PCDHA2: variants seen among roughly 807,000 people sequenced by gnomAD.
The protein encoded by PCDHA2 is protocadherin alpha-2.
A neutral mutation model predicts 66.0 loss-of-function variants in PCDHA2; 58 were observed. The observed-to-expected ratio is 0.88, with a 90% CI of 0.71 to 1.09. PCDHA2 has a LOEUF of 1.09. Ranked by LOEUF, PCDHA2 falls within the 50% of genes least tolerant of loss-of-function variation. The pLI is 0.00. For synonymous variants in PCDHA2, 634 were observed against 554.0 expected, an observed-to-expected ratio of 1.14 and a Z score of -2.03; for missense variants, 1,267 against 1,242.3, an observed-to-expected ratio of 1.02 and a Z score of -0.30.
chr5:140,827,601 G>C (rs1237509481), intron 1 of PCDHA2, among the ~76,000 whole-genome samples: 1 of 152,162 alleles, frequency 6.6e-6, no homozygotes, highest in African/African-American at 2.4e-5. Flanking sequence ...ACAGATGTGG[G>C]CAAGTTTCTT....
chr5:140,979,076 C>T, intron 2 of PCDHA2, 69 bp downstream of exon 2: 1 of 1,584,068 alleles, frequency 6.3e-7, no homozygotes, highest in Non-Finnish European at 8.6e-7. Flanking sequence ...AACTGCATCT[C>T]CATAGGCCAG....
chr5:140,837,513 T>A (rs1414175460), intron 1 of PCDHA2, among the ~76,000 whole-genome samples: 2 of 96,810 alleles, frequency 2.1e-5, no homozygotes, highest in Admixed American at 9.8e-5. Flanking sequence ...CTGAAGCAGT[T>A]TACTTTTTTT....
chr5:140,812,066 G>A (rs1441798556), intron 1 of PCDHA2: 1 of 147,612 alleles, frequency 6.8e-6, no homozygotes, highest in African/African-American at 2.5e-5. Flanking sequence ...TTTTTTTTTG[G>A]AAGAGTTTGA....
chr5:140,806,437 C>T (rs1554123600), intron 1 of PCDHA2, among the ~76,000 whole-genome samples: 1 of 152,164 alleles, frequency 6.6e-6, no homozygotes. Context: ...AATGCTTTTC[C>T]ATGCAAGCTA....
chr5:140,807,211 C>T, intron 1 of PCDHA2: 1 of 1,613,892 alleles, frequency 6.2e-7, no homozygotes, highest in Non-Finnish European at 8.5e-7. Context: ...GGGGAAGCGG[C>T]CAGGAATCCC....
chr5:140,896,491 T>A (rs2065573741), intron 1 of PCDHA2, among the ~76,000 whole-genome samples: 1 of 152,042 alleles, frequency 6.6e-6, no homozygotes, highest in South Asian at 2.1e-4. Flanking sequence ...GCCTCCTGAG[T>A]AGCTGGGACT....
At chr5:140,887,538 A>AC (rs1554183096) in intron 1 of PCDHA2, among the ~76,000 whole-genome samples, 1 of 151,216 alleles carries the variant, frequency 6.6e-6, no homozygotes, top group Admixed American at 6.6e-5. Flanking sequence ...TCCTCTCCCC[A>AC]CCCCTCATGG....
At chr5:140,870,346 G>A in intron 1 of PCDHA2, 5 of 1,614,236 alleles carry the variant, frequency 3.1e-6, no homozygotes, top group Non-Finnish European at 4.2e-6. Context: ...CCTGGACCGC[G>A]AGAACGTGTG....
At chr5:140,966,617 A>G (rs1169791623) in intron 1 of PCDHA2, 8 of 785,216 alleles carry the variant, frequency 1.0e-5, no homozygotes, top group African/African-American at 1.8e-5. Flanking sequence ...GGGCCTACGG[A>G]GGGAGCGGCC....
At chr5:141,002,184 T>A (rs1554258557) in intron 3 of PCDHA2, among the ~76,000 whole-genome samples, 1 of 152,218 alleles carries the variant, frequency 6.6e-6, no homozygotes, top group East Asian at 1.9e-4. Flanking sequence ...CAGAGTGCTG[T>A]CTGGCAAGAT....
chr5:140,838,467 T>A (rs1775746524), intron 1 of PCDHA2, among the ~76,000 whole-genome samples: 1 of 151,796 alleles, frequency 6.6e-6, no homozygotes, highest in South Asian at 2.1e-4. Flanking sequence ...TCATTAGCGC[T>A]TATTCCTTGT....
chr5:140,823,848 C>G, intron 1 of PCDHA2: 1 of 1,613,852 alleles, frequency 6.2e-7, no homozygotes, highest in Non-Finnish European at 8.5e-7. Context: ...CCGAGGCTGC[C>G]CTGGTGGATG....
intron 1 of PCDHA2, chr5:140,876,084 A>G: frequency 6.2e-7 from 1 of 1,613,962 alleles, no homozygotes; most frequent in Non-Finnish European, 8.5e-7. Context: ...ACAGAGAGCA[A>G]ACGCCAAAAC....
At chr5:140,952,352 A>G (rs2094730295) in intron 1 of PCDHA2, among the ~76,000 whole-genome samples, 1 of 103,372 alleles carries the variant, frequency 9.7e-6, no homozygotes, top group Non-Finnish European at 2.0e-5. Flanking sequence ...AAAAAAAAAA[A>G]AAGAAAGAAA....
intron 1 of PCDHA2, chr5:140,807,162 T>A: frequency 6.3e-7 from 1 of 1,594,640 alleles, no homozygotes; most frequent in Non-Finnish European, 8.5e-7. Flanking sequence ...CGATATTTAA[T>A]CAGAACAAAA....
chr5:140,968,608 T>A, intron 1 of PCDHA2: 1 of 1,614,242 alleles, frequency 6.2e-7, no homozygotes, highest in Non-Finnish European at 8.5e-7. Flanking sequence ...ACTCAGACTC[T>A]GGGCAAAATG....
intron 1 of PCDHA2, chr5:140,802,604 G>C: frequency 1.2e-6 from 2 of 1,614,102 alleles, no homozygotes; most frequent in Non-Finnish European, 1.7e-6. Context: ...AGAACAACCC[G>C]CCGGGCTGCC....
In PCDHA2 at chr5:140,877,128, G is replaced by T. The variant is rs782052511; in HGVS notation, c.2388+79776G>T. On this transcript the variant is annotated intron_variant, in intron 1 of 3. Coordinates refer to ENST00000526136, the MANE Select transcript of PCDHA2 (RefSeq NM_018905.3). ...CTCTGGGCAGCAACGTGACGCTGCA[G>T]GTGTTCGTGCTGGACGAGAACGACA... is the stretch of plus-strand genomic sequence containing the variant. 3.1e-6 allele frequency: 5 copies of T among 1,613,644 alleles called. No homozygotes were observed. The African/African-American group carries it at 5.3e-5, about 17-fold the overall frequency.
chr5:140,834,630 A>G (rs2150223003), intron 1 of PCDHA2: 2 of 1,614,158 alleles, frequency 1.2e-6, no homozygotes, highest in Non-Finnish European at 8.5e-7. Context: ...GCAGAATGGC[A>G]TTTTGTTTGT....
Sources: allele counts gnomAD v4.1 joint callset (sites outside exome capture counted in the v4.1 genomes callset), GRCh38; gene constraint gnomAD v4.1.1; transcripts MANE v1.5; gene names NCBI Gene and HGNC (gene_info 2026-07-23, HGNC 2026-07-21).